Variants in SLC2A12 observed in about 807,000 individuals in gnomAD.
SLC2A12 encodes solute carrier family 2 member 12.
In SLC2A12, 23 loss-of-function variants were observed where a neutral mutation model predicts 41.8. The ratio of observed to expected loss-of-function variants is 0.55; its 90% CI spans 0.40 to 0.78. The LOEUF is 0.78. Among genes scored for constraint, SLC2A12 ranks in the 30% least tolerant of loss-of-function variants. The pLI, the probability that SLC2A12 is intolerant of heterozygous loss-of-function variation, is 0.00. For missense variants in SLC2A12, 654 were observed against 745.6 expected (o/e 0.88, Z 1.43); for synonymous variants, 295 against 285.9 (o/e 1.03, Z -0.32).
At chr6:133,991,376 TA>T in intron 4 of SLC2A12, 68 bp from the exon 5 acceptor site, 1 of 1,540,002 alleles carries the variant, frequency 6.5e-7, no homozygotes, top group Non-Finnish European at 8.8e-7. Context: ...TGTAGGCTAT[TA>T]TTTTTTAAAC....
chr6:134,003,284 C>T (rs770020170), intron 3 of SLC2A12, among the ~76,000 whole-genome samples: 1 of 152,168 alleles, frequency 6.6e-6, no homozygotes, highest in African/African-American at 2.4e-5. Context: ...CTAGCTGGCA[C>T]AGGGTATGGC....
intron 2 of SLC2A12, among the ~76,000 whole-genome samples, chr6:134,025,442 C>T (rs959367896): frequency 2.6e-5 from 4 of 152,186 alleles, no homozygotes; most frequent in Admixed American, 6.5e-5. Context: ...CAGTATTTGA[C>T]ATACTAGGTG....
Position 134,001,218 on chromosome 6 carries a change from C to T in SLC2A12, c.1700+779G>A, listed in dbSNP as rs542357825. On this transcript the variant is annotated intron_variant, in intron 4 of 4. Transcript: ENST00000275230. The stretch of plus-strand genomic sequence containing the variant: ...CAAATTGAGTTCAATGTATACTGCT[C>T]CGGTGATGGGTGCACCAAAATCTCA... Among the ~76,000 whole-genome samples, 44 of 152,168 alleles carry T rather than the reference C, an allele frequency of 2.9e-4. No homozygotes were observed. The East Asian group carries it at 7.5e-3, about 26-fold the overall frequency.
intron 2 of SLC2A12, among the ~76,000 whole-genome samples, chr6:134,017,609 T>C (rs1190576903): frequency 4.0e-5 from 6 of 151,828 alleles, no homozygotes; most frequent in Admixed American, 3.9e-4. Context: ...TCCCAGCACT[T>C]TGGGAGGCCG....
chr6:134,044,903 A>G (rs1417181847), intron 1 of SLC2A12, among the ~76,000 whole-genome samples: 2 of 152,166 alleles, frequency 1.3e-5, no homozygotes, highest in African/African-American at 4.8e-5. Context: ...ATGTGCCAGC[A>G]CTGTCTGGCA....
intron 3 of SLC2A12, among the ~76,000 whole-genome samples, chr6:134,003,169 A>C (rs953997582): frequency 1.1e-4 from 17 of 152,330 alleles, no homozygotes; most frequent in African/African-American, 3.6e-4. Flanking sequence ...AAGCATAGTA[A>C]CTACTTGTCG....
chr6:134,002,199 CTT>C, intron 3 of SLC2A12, 70 bp from the exon 4 acceptor site: 1 of 1,504,048 alleles, frequency 6.6e-7, no homozygotes, highest in South Asian at 1.2e-5. Flanking sequence ...TGAACAGCCA[CTT>C]AGGGCATACA....
intron 2 of SLC2A12, among the ~76,000 whole-genome samples, chr6:134,018,063 T>C (rs1199190650): frequency 6.6e-6 from 1 of 152,010 alleles, no homozygotes; most frequent in African/African-American, 2.4e-5. Context: ...GCTGGATTTA[T>C]GTGTAGAGGG....
chr6:134,042,429 G>T (rs1483572957), intron 1 of SLC2A12, among the ~76,000 whole-genome samples: 1 of 151,988 alleles, frequency 6.6e-6, no homozygotes, highest in East Asian at 1.9e-4. Flanking sequence ...GAGAGAGCGA[G>T]AGGGAGAGAG....
At chr6:133,991,607 C>G (rs1226577292) in intron 4 of SLC2A12, among the ~76,000 whole-genome samples, 2 of 152,100 alleles carry the variant, frequency 1.3e-5, no homozygotes, top group African/African-American at 4.8e-5. Context: ...CATCCCAGAC[C>G]TTATTTTTTT....
chr6:134,030,732 T>C (rs560567639), intron 1 of SLC2A12, among the ~76,000 whole-genome samples: 136 of 152,168 alleles, frequency 8.9e-4, no homozygotes, highest in Non-Finnish European at 1.6e-3. Context: ...TGGGGCACAT[T>C]GTGAGCCTGG....
intron 2 of SLC2A12, among the ~76,000 whole-genome samples, chr6:134,019,747 C>T (rs894903801): frequency 1.7e-4 from 26 of 152,230 alleles, no homozygotes; most frequent in African/African-American, 5.5e-4. Flanking sequence ...AGATGTTGGG[C>T]GCAATGGCTC....
intron 4 of SLC2A12, among the ~76,000 whole-genome samples, chr6:133,998,842 C>T (rs926458992): frequency 1.8e-4 from 28 of 152,118 alleles, no homozygotes; most frequent in Admixed American, 1.2e-3. Flanking sequence ...CACCCAGCCA[C>T]AAAATGTTTA....
At chr6:134,043,999 A>C (rs567218199) in intron 1 of SLC2A12, among the ~76,000 whole-genome samples, 2 of 152,108 alleles carry the variant, frequency 1.3e-5, no homozygotes, top group East Asian at 3.9e-4. Flanking sequence ...AGAATTCCGA[A>C]GTATTGGAAG....
intron 2 of SLC2A12, among the ~76,000 whole-genome samples, chr6:134,010,065 A>G (rs1776860503): frequency 6.6e-6 from 1 of 152,186 alleles, no homozygotes; most frequent in East Asian, 1.9e-4. Context: ...TTCAATACCT[A>G]AAGCAGAAGC....
chr6:133,990,912 T>C lies in SLC2A12; in HGVS notation c.*243A>G. 1 of 388,846 alleles carries C rather than the reference T, an allele frequency of 2.6e-6. No individual in the cohort carries two copies. The highest frequency in any genetic ancestry group is 4.5e-6 in the Non-Finnish European group (1 of 220,926). 24.1% of individuals were successfully genotyped at this position (388,846 alleles called of 1,614,324 possible). A position where few individuals can be genotyped will look rare whatever the true frequency, so the allele number is the denominator to read the frequency against. On this transcript the variant is annotated 3_prime_UTR_variant, in exon 5 of 5. Coordinates refer to ENST00000275230, the MANE Select transcript of SLC2A12 (RefSeq NM_145176.3). Reference sequence around the variant, plus strand: ...AGTATTAAACCAGCCAGTAACTTTTTTTTTTTAACCTGATATCCTGCTCAG... The same window carrying C: ...AGTATTAAACCAGCCAGTAACTTTTCTTTTTTAACCTGATATCCTGCTCAG...
intron 4 of SLC2A12, among the ~76,000 whole-genome samples, chr6:133,992,102 TG>T (rs1255347472): frequency 6.6e-6 from 1 of 152,146 alleles, no homozygotes; most frequent in Non-Finnish European, 1.5e-5. Context: ...CCTGAGAAGT[TG>T]GGGCAGGGAA....
intron 2 of SLC2A12, among the ~76,000 whole-genome samples, chr6:134,018,753 A>AAT (rs1777001366): frequency 6.7e-6 from 1 of 150,022 alleles, no homozygotes; most frequent in Non-Finnish European, 1.5e-5. Flanking sequence ...AGGTGTGTTC[A>AAT]TTTTTTTTTT....
chr6:134,004,132 C>T (rs1303687636), intron 3 of SLC2A12, among the ~76,000 whole-genome samples: 1 of 152,184 alleles, frequency 6.6e-6, no homozygotes, highest in East Asian at 1.9e-4. Context: ...AGCTATAGCC[C>T]TCCCAGAGAT....
Sources: allele counts gnomAD v4.1 joint callset (sites outside exome capture counted in the v4.1 genomes callset), GRCh38; gene constraint gnomAD v4.1.1; transcripts MANE v1.5; gene names NCBI Gene and HGNC (gene_info 2026-07-23, HGNC 2026-07-21).